ECT2L: variants seen among roughly 807,000 people sequenced by gnomAD.
ECT2L encodes the protein epithelial cell transforming 2 like, also known as epithelial cell-transforming sequence 2 oncogene-like.
A neutral mutation model predicts 122.8 loss-of-function variants in ECT2L; 126 were observed. That is an observed-to-expected ratio of 1.03 (90% CI 0.89 to 1.19). ECT2L has a LOEUF of 1.19. Ranked by LOEUF, ECT2L falls within the 50% of genes most tolerant of loss-of-function variation. The probability of loss-of-function intolerance (pLI) is 0.00; values close to 1 mark genes in which losing one functional copy is unlikely to be tolerated. For missense variants in ECT2L, 1,012 were observed against 1,064.1 expected (o/e 0.95, Z 0.68); for synonymous variants, 385 against 381.8 (o/e 1.01, Z -0.10).
At chr6:138,875,447 T>C (rs2128404495) in intron 13 of ECT2L, among the ~76,000 whole-genome samples, 1 of 152,362 alleles carries the variant, frequency 6.6e-6, no homozygotes, top group South Asian at 2.1e-4. Context: ...TTGCCATTGG[T>C]AGTTTTGTCT....
chr6:138,835,120 A>C (rs1258680839), intron 4 of ECT2L, among the ~76,000 whole-genome samples: 2 of 150,272 alleles, frequency 1.3e-5, no homozygotes, highest in Non-Finnish European at 3.0e-5. Flanking sequence ...ACTGAAGCAA[A>C]CTTAAAAAAA....
Position 138,838,530 on chromosome 6 carries a change from C to A in ECT2L, c.342+16C>A, listed in dbSNP as rs1239603661. The A allele has an allele frequency of 6.2e-7, 1 of 1,603,148 alleles. No individual in the cohort carries two copies. Among genetic ancestry groups the A allele is most frequent in the South Asian group, 1.1e-5 (1 of 88,788 alleles). On this transcript the variant is annotated intron_variant, in intron 5 of 21. Transcript: ENST00000541398. ...AACTGAACAGGTTTACTATTTGCCA[C>A]TTCCTAGTAATAGGGCACAAGTACA...
intron 4 of ECT2L, among the ~76,000 whole-genome samples, chr6:138,825,491 G>T (rs774638719): frequency 1.3e-5 from 2 of 152,126 alleles, no homozygotes; most frequent in African/African-American, 4.8e-5. Context: ...GCTGAGGCAG[G>T]AGATTCACTT....
intron 14 of ECT2L, 22 bp downstream of exon 14, chr6:138,876,580 CTT>C: frequency 1.3e-6 from 2 of 1,502,218 alleles, no homozygotes; most frequent in Non-Finnish European, 1.8e-6. Context: ...TATAATGTAA[CTT>C]TACCATTGGT....
intron 4 of ECT2L, among the ~76,000 whole-genome samples, chr6:138,831,673 G>T (rs1193749300): frequency 6.6e-6 from 1 of 152,092 alleles, no homozygotes; most frequent in African/African-American, 2.4e-5. Flanking sequence ...TTAAAAATTG[G>T]TGCTGTCCCT....
chr6:138,829,020 A>AC (rs1264661290), intron 4 of ECT2L, among the ~76,000 whole-genome samples: 4 of 126,634 alleles, frequency 3.2e-5, no homozygotes, highest in Non-Finnish European at 6.8e-5. Context: ...GCTAAGTTTA[A>AC]AATTTTTTTT....
chr6:138,802,536 A>G (rs773421690), intron 1 of ECT2L, among the ~76,000 whole-genome samples: 1 of 152,234 alleles, frequency 6.6e-6, no homozygotes, highest in Non-Finnish European at 1.5e-5. Context: ...CGTTGTGAAC[A>G]TTAAGCATAT....
rs1562494450 is a variant in ECT2L at position 138,888,976 on chromosome 6, G to A, written c.2359G>A (p.Val787Ile). ...LSEVNRYLIR[V>I]QDVAQLHCCD... ...AGAAGTAAACAGATATCTGATTAGG[G>A]TACAAGATGTAGCCCAACTTCATTG... Residue 787 changes from valine to isoleucine, a missense_variant, in exon 20 of 22, where the codon GTA becomes ATA. By Grantham distance (29) the Val-to-Ile change is conservative. Transcript: ENST00000541398. 6.5e-7 allele frequency: 1 copy of A among 1,540,930 alleles called. No homozygotes were observed. Among genetic ancestry groups the A allele is most frequent in the Non-Finnish European group, 8.8e-7 (1 of 1,137,492 alleles).
intron 14 of ECT2L, among the ~76,000 whole-genome samples, chr6:138,880,284 A>G (rs191508410): frequency 6.6e-6 from 1 of 152,314 alleles, no homozygotes; most frequent in East Asian, 1.9e-4. Flanking sequence ...ACATCTGTCA[A>G]GGGCCTTCTC....
chr6:138,796,295 C>G (rs1354653263), intron 1 of ECT2L, 103 bp downstream of exon 1: 1 of 152,258 alleles, frequency 6.6e-6, no homozygotes, highest in Non-Finnish European at 1.5e-5. Context: ...CAGGAAGACC[C>G]TAAGCAGCGC....
intron 4 of ECT2L, among the ~76,000 whole-genome samples, chr6:138,834,865 C>T (rs1206880561): frequency 6.6e-6 from 1 of 151,452 alleles, no homozygotes; most frequent in East Asian, 1.9e-4. Context: ...GCTACCAGTA[C>T]AGGCCCGGCT....
chr6:138,819,893 A>C (rs1338978439), intron 4 of ECT2L, among the ~76,000 whole-genome samples: 3 of 152,054 alleles, frequency 2.0e-5, no homozygotes, highest in Non-Finnish European at 4.4e-5. Context: ...TGTACCAAAA[A>C]AAAAACAAAA....
intron 15 of ECT2L, among the ~76,000 whole-genome samples, chr6:138,881,900 C>G (rs1009137220): frequency 2.0e-5 from 3 of 152,134 alleles, no homozygotes; most frequent in Non-Finnish European, 2.9e-5. Context: ...CAGACTGGTA[C>G]CTATCCATGG....
At chr6:138,864,002 TAAAAAAAAAAAAA>T (rs1172466449) in intron 11 of ECT2L, among the ~76,000 whole-genome samples, 96 of 55,874 alleles carry the variant, frequency 1.7e-3, no homozygotes, top group African/African-American at 7.2e-3. Context: ...TCTCCGTATT[TAAAAAAAAAAAAA>T]AAAAAAAAAA....
chr6:138,825,527 G>A (rs1776416372), intron 4 of ECT2L, among the ~76,000 whole-genome samples: 3 of 152,128 alleles, frequency 2.0e-5, no homozygotes, highest in Admixed American at 2.0e-4. Flanking sequence ...AGGTCACAGT[G>A]AGCTGAGATC....
chr6:138,799,900 G>C (rs1775482587), intron 1 of ECT2L, among the ~76,000 whole-genome samples: 1 of 152,116 alleles, frequency 6.6e-6, no homozygotes, highest in Admixed American at 6.5e-5. Flanking sequence ...TAACTCCCAG[G>C]GTGAATCTGA....
At chr6:138,832,891 A>C (rs967518788) in intron 4 of ECT2L, among the ~76,000 whole-genome samples, 1 of 152,140 alleles carries the variant, frequency 6.6e-6, no homozygotes, top group Non-Finnish European at 1.5e-5. Context: ...TGCTATAAAG[A>C]ACTGCCTGAG....
Position 138,842,002 on chromosome 6 carries a change from T to C in ECT2L, c.343-977T>C, listed in dbSNP as rs114524709. ...GAATTCTCAGAATCTAGGGTTAACG[T>C]AACCAAATGCTATTGGAACATTGGA... On this transcript the variant is annotated intron_variant, in intron 5 of 21. Transcript: ENST00000541398. Among the ~76,000 whole-genome samples, 1,308 of 152,300 alleles carry C rather than the reference T, an allele frequency of 8.6e-3. 21 individuals are homozygous for C. The highest frequency in any genetic ancestry group is 0.03 in the African/African-American group (1,239 of 41,544).
At position 138,865,031 on chromosome 6, in the gene ECT2L, G is replaced by T. The variant is rs772213688; in HGVS notation, c.1327G>T (p.Ala443Ser). 9.9e-6 allele frequency: 16 copies of T among 1,613,500 alleles called. No homozygotes were observed. In the East Asian group the frequency reaches 3.3e-4, roughly 34 times the overall value. The change falls in exon 12 of 22, where the codon GCC becomes TCC. Residue 443 changes from alanine to serine, a missense_variant. Transcript: ENST00000541398. ...TTGGCTGGGATCCCAATGGGGAAAG[G>T]CCCCCTCTTCCATCTACTTCTGCGA... ...SDWLGSQWGK[A>S]PSSIYFCESK...
Sources: allele counts gnomAD v4.1 joint callset (sites outside exome capture counted in the v4.1 genomes callset), GRCh38; gene constraint gnomAD v4.1.1; transcripts MANE v1.5; gene names NCBI Gene and HGNC (gene_info 2026-07-23, HGNC 2026-07-21).